Variants in TMEM132D observed in about 807,000 individuals in gnomAD.
The protein encoded by TMEM132D is mature OL transmembrane protein.
Under a neutral mutation model 62.3 loss-of-function variants are expected in TMEM132D, and 21 were observed. That is an observed-to-expected ratio of 0.34 (90% CI 0.24 to 0.49). The LOEUF (loss-of-function observed/expected upper bound fraction) is 0.49, where lower values mean the gene tolerates loss of function less well. Ranked by LOEUF, TMEM132D falls within the 20% of genes least tolerant of loss-of-function variation. The pLI, the probability that TMEM132D is intolerant of heterozygous loss-of-function variation, is 0.99. For synonymous variants in TMEM132D, 621 were observed against 575.6 expected (o/e 1.08, Z -1.13); for missense variants, 1,346 against 1,402.8 (o/e 0.96, Z 0.65).
chr12:129,219,874 A>T (rs1321715029), intron 4 of TMEM132D, among the ~76,000 whole-genome samples: 1 of 152,190 alleles, frequency 6.6e-6, no homozygotes, highest in East Asian at 1.9e-4. Flanking sequence ...GGCTGACACC[A>T]TACAGGGAGC....
intron 5 of TMEM132D, among the ~76,000 whole-genome samples, chr12:129,114,578 A>T (rs1234473940): frequency 1.3e-5 from 2 of 152,186 alleles, no homozygotes; most frequent in Non-Finnish European, 2.9e-5. Flanking sequence ...CAGCTCAATG[A>T]CATTTCATGA....
intron 1 of TMEM132D, among the ~76,000 whole-genome samples, chr12:129,880,653 C>T (rs889401441): frequency 5.3e-5 from 8 of 152,074 alleles, no homozygotes; most frequent in Non-Finnish European, 1.2e-4. Flanking sequence ...TAATATTGCT[C>T]AGAAATTAGA....
At chr12:129,761,648 C>G (rs550036953) in intron 1 of TMEM132D, among the ~76,000 whole-genome samples, 1 of 152,352 alleles carries the variant, frequency 6.6e-6, no homozygotes, top group Admixed American at 6.5e-5. Flanking sequence ...GCTCCCCTCC[C>G]TTCCACAATA....
chr12:129,441,047 G>A (rs1397101481), intron 3 of TMEM132D, among the ~76,000 whole-genome samples: 11 of 152,160 alleles, frequency 7.2e-5, no homozygotes. Flanking sequence ...TATAAGTCAG[G>A]GTCTAGTCGA....
intron 4 of TMEM132D, among the ~76,000 whole-genome samples, chr12:129,231,081 C>T (rs972589562): frequency 1.3e-5 from 2 of 152,220 alleles, no homozygotes; most frequent in African/African-American, 4.8e-5. Flanking sequence ...TTTTCTCTTG[C>T]TGTGAATTTA....
intron 5 of TMEM132D, among the ~76,000 whole-genome samples, chr12:129,091,340 A>C (rs1204225048): frequency 6.6e-6 from 1 of 151,114 alleles, no homozygotes; most frequent in Non-Finnish European, 1.5e-5. Flanking sequence ...GACCTTACCT[A>C]TCCTCACCTG....
At chr12:129,663,263 C>T (rs185527959) in intron 2 of TMEM132D, among the ~76,000 whole-genome samples, 9 of 152,254 alleles carry the variant, frequency 5.9e-5, no homozygotes, top group South Asian at 4.1e-4. Flanking sequence ...CTTGGCCTGC[C>T]GAGTAGCTGG....
intron 2 of TMEM132D, among the ~76,000 whole-genome samples, chr12:129,545,557 C>A (rs1490515112): frequency 6.6e-6 from 1 of 152,096 alleles, no homozygotes; most frequent in Non-Finnish European, 1.5e-5. Flanking sequence ...TGCTGTGGAT[C>A]TCTAGAGCTT....
intron 1 of TMEM132D, among the ~76,000 whole-genome samples, chr12:129,847,680 C>T (rs531133844): frequency 5.9e-5 from 9 of 152,198 alleles, no homozygotes; most frequent in Non-Finnish European, 1.0e-4. Context: ...GCTCTATGAC[C>T]GCTTTGACCT....
intron 3 of TMEM132D, among the ~76,000 whole-genome samples, chr12:129,346,995 T>A (rs1377069000): frequency 6.6e-6 from 1 of 152,082 alleles, no homozygotes; most frequent in Non-Finnish European, 1.5e-5. Context: ...GAATACAACT[T>A]ATGAGGGACG....
chr12:129,095,269 G>T (rs567126935), intron 5 of TMEM132D, among the ~76,000 whole-genome samples: 1 of 151,794 alleles, frequency 6.6e-6, no homozygotes, highest in East Asian at 1.9e-4. Context: ...TGTATTTGGA[G>T]GCAGGGTCTT....
At chr12:129,192,897 G>A (rs1458673387) in intron 5 of TMEM132D, among the ~76,000 whole-genome samples, 4 of 152,152 alleles carry the variant, frequency 2.6e-5, no homozygotes, top group African/African-American at 7.2e-5. Flanking sequence ...CAGGCCAGGC[G>A]CGGTGGCTCA....
intron 1 of TMEM132D, among the ~76,000 whole-genome samples, chr12:129,807,464 C>T (rs370552667): frequency 6.6e-6 from 1 of 152,170 alleles, no homozygotes. Context: ...CACCACGGCC[C>T]GAGTCTCCAG....
At chr12:129,808,181 T>C (rs1171180377) in intron 1 of TMEM132D, among the ~76,000 whole-genome samples, 1 of 152,198 alleles carries the variant, frequency 6.6e-6, no homozygotes, top group East Asian at 1.9e-4. Context: ...GGAGCACAGC[T>C]TAATCACACA....
chr12:129,523,988 A>G (rs1680076449), intron 3 of TMEM132D, among the ~76,000 whole-genome samples: 1 of 152,164 alleles, frequency 6.6e-6, no homozygotes, highest in Non-Finnish European at 1.5e-5. Context: ...ATCTTTGCAT[A>G]CTTCACCTGA....
At chr12:129,870,781 T>C (rs920476023) in intron 1 of TMEM132D, among the ~76,000 whole-genome samples, 1 of 152,062 alleles carries the variant, frequency 6.6e-6, no homozygotes, top group Non-Finnish European at 1.5e-5. Flanking sequence ...TCAGGTTTGG[T>C]TAAGGGTATA....
chr12:129,836,662 C>G (rs950313958), intron 1 of TMEM132D, among the ~76,000 whole-genome samples: 1 of 151,962 alleles, frequency 6.6e-6, no homozygotes, highest in Non-Finnish European at 1.5e-5. Context: ...CACTACCTTC[C>G]TTCTATGTGC....
chr12:129,835,077 T>C (rs1872962187), intron 1 of TMEM132D, among the ~76,000 whole-genome samples: 1 of 152,176 alleles, frequency 6.6e-6, no homozygotes, highest in African/African-American at 2.4e-5. Context: ...CATCTGTCTT[T>C]ATTTTACAAA....
chr12:129,597,199 CCA>C (rs1306206202), intron 2 of TMEM132D, among the ~76,000 whole-genome samples: 1 of 152,090 alleles, frequency 6.6e-6, no homozygotes, highest in Non-Finnish European at 1.5e-5. Flanking sequence ...GACACAGAAC[CCA>C]CAGACACAGA....
Sources: gnomAD v4.1 joint callset for allele counts (sites outside exome capture counted in the v4.1 genomes callset) on GRCh38, gnomAD v4.1.1 for gene constraint, MANE v1.5 for transcripts, NCBI Gene and HGNC (gene_info 2026-07-23, HGNC 2026-07-21) for gene names.